Variants in HHLA2 observed in about 807,000 individuals in gnomAD.
HHLA2 encodes the protein HERV-H LTR-associating protein 2.
HHLA2 carries 48 observed loss-of-function variants against 45.9 expected under a neutral mutation model. The ratio of observed to expected loss-of-function variants is 1.05; its 90% CI spans 0.83 to 1.33. The LOEUF (loss-of-function observed/expected upper bound fraction) is 1.33, where lower values mean the gene tolerates loss of function less well. HHLA2 is among the 40% of genes most tolerant of loss of function. The pLI is 0.00. For synonymous variants in HHLA2, 161 were observed against 173.9 expected (o/e 0.93, Z 0.59); for missense variants, 462 against 494.3 (o/e 0.93, Z 0.62).
intron 2 of HHLA2, chr3:108,325,787 T>C (rs1016429818): frequency 3.9e-5 from 12 of 304,780 alleles, no homozygotes; most frequent in African/African-American, 1.6e-4. Context: ...ACCACAACCA[T>C]TGAAGTTTCC....
At chr3:108,368,431 A>T (rs1294876079) in intron 8 of HHLA2, among the ~76,000 whole-genome samples, 2 of 151,198 alleles carry the variant, frequency 1.3e-5, no homozygotes, top group African/African-American at 4.9e-5. Context: ...ATAAAGAGTC[A>T]AGACCCATCA....
intron 3 of HHLA2, among the ~76,000 whole-genome samples, chr3:108,348,038 C>T (rs1012437311): frequency 1.3e-5 from 2 of 152,054 alleles, no homozygotes; most frequent in African/African-American, 4.8e-5. Context: ...AATAGTTAAA[C>T]ATATGACCTT....
intron 2 of HHLA2, among the ~76,000 whole-genome samples, chr3:108,319,718 G>A (rs1458384794): frequency 1.3e-5 from 2 of 152,202 alleles, no homozygotes; most frequent in Admixed American, 1.3e-4. Context: ...TGCAAGAGCA[G>A]ATGTGCTTGT....
Position 108,353,422 on chromosome 3 carries a change from T to A in HHLA2, c.65-5T>A. The A allele has an allele frequency of 6.5e-7, 1 of 1,537,456 alleles. No homozygotes were observed. Among genetic ancestry groups the A allele is most frequent in the East Asian group, 2.3e-5 (1 of 42,642 alleles). On this transcript the variant is annotated splice_polypyrimidine_tract_variant and splice_region_variant and intron_variant, in intron 4 of 10. Coordinates refer to ENST00000619531, the Ensembl canonical transcript of HHLA2. ...TCTTTATAACTTCTCTGCTCTTGAC[T>A]GTAGGCATATTCCCTTTGGCTTTCT...
intron 8 of HHLA2, among the ~76,000 whole-genome samples, chr3:108,373,942 T>C (rs1275753528): frequency 6.6e-6 from 1 of 151,256 alleles, no homozygotes; most frequent in African/African-American, 2.4e-5. Context: ...CCCATCAAGC[T>C]ACCAATGACT....
At chr3:108,328,453 T>A in intron 3 of HHLA2, 1 of 695,508 alleles carries the variant, frequency 1.4e-6, no homozygotes, top group Non-Finnish European at 2.3e-6. Flanking sequence ...CAAATATTAT[T>A]AACATAATTC....
chr3:108,365,218 TAGCAAGTTTGCCC>T (rs1257582535), intron 8 of HHLA2, among the ~76,000 whole-genome samples: 1 of 152,242 alleles, frequency 6.6e-6, no homozygotes, highest in East Asian at 1.9e-4. Context: ...TGCATATGGC[TAGCAAGTTTGCCC>T]AGCACCATTT....
chr3:108,357,461 C>T (rs1576164686), intron 6 of HHLA2, among the ~76,000 whole-genome samples: 1 of 152,034 alleles, frequency 6.6e-6, no homozygotes, highest in African/African-American at 2.4e-5. Context: ...AGGTAGGGTA[C>T]CAAAAGGGGT....
chr3:108,305,584 C>G (rs1227584818), intron 1 of HHLA2, among the ~76,000 whole-genome samples: 1 of 152,050 alleles, frequency 6.6e-6, no homozygotes, highest in Non-Finnish European at 1.5e-5. Context: ...AGTCCCATGC[C>G]CTGCTGTATA....
At chr3:108,338,315 C>T (rs1030269566) in intron 3 of HHLA2, among the ~76,000 whole-genome samples, 2 of 151,894 alleles carry the variant, frequency 1.3e-5, no homozygotes, top group Non-Finnish European at 2.9e-5. Context: ...TGTCAGTACA[C>T]TTTTATGTGC....
chr3:108,300,270 A>G (rs1576083904), intron 1 of HHLA2, among the ~76,000 whole-genome samples: 1 of 152,156 alleles, frequency 6.6e-6, no homozygotes, highest in Non-Finnish European at 1.5e-5. Context: ...TTGCAGAGAC[A>G]GGAGGCAGGG....
At chr3:108,337,027 C>T (rs1048255298) in intron 3 of HHLA2, among the ~76,000 whole-genome samples, 5 of 152,016 alleles carry the variant, frequency 3.3e-5, no homozygotes, top group African/African-American at 9.6e-5. Context: ...GAGGTTGAAG[C>T]GGATTTGAGG....
chr3:108,354,210 G>A (rs915810430), intron 5 of HHLA2, among the ~76,000 whole-genome samples: 2 of 151,776 alleles, frequency 1.3e-5, no homozygotes, highest in Non-Finnish European at 2.9e-5. Flanking sequence ...TATAAATGAG[G>A]TTAATTTTAT....
At chr3:108,319,062 C>T (rs989328890) in intron 2 of HHLA2, among the ~76,000 whole-genome samples, 2 of 152,176 alleles carry the variant, frequency 1.3e-5, no homozygotes, top group East Asian at 3.8e-4. Context: ...TTCCTTCTCT[C>T]TTCTCTCCTT....
chr3:108,366,895 A>G (rs1204224871), intron 8 of HHLA2, among the ~76,000 whole-genome samples: 4 of 151,780 alleles, frequency 2.6e-5, no homozygotes, highest in African/African-American at 7.3e-5. Context: ...CAGTCTATCT[A>G]TTTTGTTAAT....
chr3:108,376,654 A>C (rs759483739), intron 10 of HHLA2, 97 bp downstream of exon 9: 2 of 1,056,966 alleles, frequency 1.9e-6, no homozygotes, highest in Non-Finnish European at 1.4e-6. Context: ...TCATCAAGCA[A>C]GACTTTTATA....
Position 108,376,630 on chromosome 3 carries a change from G to C in HHLA2, c.1224+73G>C, listed in dbSNP as rs747722283. On this transcript the variant is annotated intron_variant, in intron 10 of 10. Coordinates refer to ENST00000619531, the Ensembl canonical transcript of HHLA2. Reference sequence around the variant, plus strand: ...TCTTTAAAAGGGTAATTGAAGTTCTGACTGATTCACATATCATCAAGCAAG... The same window carrying C: ...TCTTTAAAAGGGTAATTGAAGTTCTCACTGATTCACATATCATCAAGCAAG... The C allele has an allele frequency of 3.0e-6, 4 of 1,312,606 alleles. No homozygotes were observed. In the African/African-American group the frequency reaches 5.8e-5, roughly 19 times the overall value. The allele number at this position is 1,312,606 out of a possible 1,614,324, so 81.3% of individuals were successfully genotyped here. A position where few individuals can be genotyped will look rare whatever the true frequency, so the allele number is the denominator to read the frequency against.
intron 8 of HHLA2, among the ~76,000 whole-genome samples, chr3:108,372,325 CA>C (rs2082192114): frequency 1.3e-5 from 2 of 151,556 alleles, no homozygotes; most frequent in African/African-American, 4.8e-5. Context: ...ACATTCAAAG[CA>C]GTGTGTAGAG....
intron 8 of HHLA2, among the ~76,000 whole-genome samples, chr3:108,370,983 A>T (rs55881362): frequency 0.036 from 5,438 of 152,294 alleles, 145 homozygotes; most frequent in Middle Eastern, 0.092. Flanking sequence ...AGAACGCCAG[A>T]AAGATACTCC....
Sources: allele counts gnomAD v4.1 joint callset (sites outside exome capture counted in the v4.1 genomes callset), GRCh38; gene constraint gnomAD v4.1.1; transcripts MANE v1.5; gene names NCBI Gene and HGNC (gene_info 2026-07-23, HGNC 2026-07-21).